The following LIPA variants were observed in gnomAD, a reference collection of about 807,000 sequenced individuals.
The protein encoded by LIPA is lipase A, lysosomal acid type.
A neutral mutation model predicts 40.6 loss-of-function variants in LIPA; 26 were observed. That is an observed-to-expected ratio of 0.64 (90% CI 0.47 to 0.89). The LOEUF (loss-of-function observed/expected upper bound fraction) is 0.89. LIPA is among the 40% of genes least tolerant of loss of function. The probability of loss-of-function intolerance (pLI) is 0.00; values close to 1 mark genes in which losing one functional copy is unlikely to be tolerated. For missense variants in LIPA, 455 were observed against 479.6 expected, an observed-to-expected ratio of 0.95 and a Z score of 0.48; for synonymous variants, 188 against 168.4, an observed-to-expected ratio of 1.12 and a Z score of -0.90.
At chr10:89,328,271 T>C (rs551106251) in intron 1 of LIPA, among the ~76,000 whole-genome samples, 66 of 152,300 alleles carry the variant, frequency 4.3e-4, no homozygotes, top group Non-Finnish European at 7.4e-4. Context: ...ACAGGCTTCT[T>C]AAGTTTCTGG....
intron 1 of LIPA, among the ~76,000 whole-genome samples, chr10:89,300,745 G>C (rs751152272): frequency 3.9e-5 from 6 of 152,188 alleles, no homozygotes; most frequent in Non-Finnish European, 8.8e-5. Context: ...CCAGAACTTT[G>C]GCAGGCCAAG....
In LIPA at chr10:89,339,073, T is replaced by C. The variant is rs377495823; in HGVS notation, c.-2+3538A>G. On this transcript the variant is annotated intron_variant, in intron 1 of 5. Transcript: ENST00000282673. ...CAGTATTGAGTATTCTGAACTTGAC[T>C]GTGAGGAAGGGTGGACACAACTGAA... 19 of 1,613,926 alleles carry C rather than the reference T, an allele frequency of 1.2e-5. No individual in the cohort carries two copies. In the African/African-American group the frequency reaches 2.3e-4, roughly 19 times the overall value.
At chr10:89,236,250 T>C (rs1564759954) in intron 3 of LIPA, among the ~76,000 whole-genome samples, 1 of 152,198 alleles carries the variant, frequency 6.6e-6, no homozygotes, top group Non-Finnish European at 1.5e-5. Flanking sequence ...AATGTAAAGA[T>C]GTGGTATTAA....
upstream of LIPA, among the ~76,000 whole-genome samples, chr10:89,344,029 T>C (rs10788641): frequency 0.28 from 43,130 of 152,026 alleles, 6,764 homozygotes; most frequent in East Asian, 0.61. Context: ...CTCTACAGTG[T>C]TGGGAAAAAT....
intron 4 of LIPA, among the ~76,000 whole-genome samples, chr10:89,227,894 T>A (rs547466608): frequency 6.6e-6 from 1 of 152,296 alleles, no homozygotes; most frequent in South Asian, 2.1e-4. Context: ...CTGGATTACA[T>A]ATTTATGGAG....
rs540047065 is a variant in LIPA at position 89,287,998 on chromosome 10, C to T, written c.-1-40349G>A. Among the ~76,000 whole-genome samples the T allele has an allele frequency of 3.9e-5, 6 of 152,330 alleles. No individual in the cohort carries two copies. The South Asian group carries it at 1.2e-3, about 32-fold the overall frequency. On this transcript the variant is annotated intron_variant, in intron 1 of 5. Transcript: ENST00000282673. ...ATTCCTTTGCACCCTTCATCCCAGC[C>T]TCTTTTCACTTTCACTTGGACTGAC...
chr10:89,321,405 C>T (rs899966241), intron 1 of LIPA, among the ~76,000 whole-genome samples: 2 of 152,146 alleles, frequency 1.3e-5, no homozygotes, highest in Non-Finnish European at 2.9e-5. Context: ...AAAAAGTGGG[C>T]AAAGGCTATG....
intron 2 of LIPA, among the ~76,000 whole-genome samples, chr10:89,366,827 A>G: frequency 6.6e-6 from 1 of 152,250 alleles, no homozygotes; most frequent in Non-Finnish European, 1.5e-5. Context: ...ATTACTGGGT[A>G]TATACCCAAA....
At chr10:89,362,755 C>A (rs1484754220) in intron 2 of LIPA, 2 of 720,534 alleles carry the variant, frequency 2.8e-6, no homozygotes, top group Admixed American at 2.6e-5. Flanking sequence ...TGGGCCTTGG[C>A]GAAGTGTGGA....
At chr10:89,227,410 G>A (rs1284606572) in intron 4 of LIPA, among the ~76,000 whole-genome samples, 1 of 152,092 alleles carries the variant, frequency 6.6e-6, no homozygotes, top group Non-Finnish European at 1.5e-5. Flanking sequence ...CCTGTTTTCC[G>A]TTGTTACAAA....
At position 89,223,757 on chromosome 10, in the gene LIPA, T is replaced by C. The variant is rs747792993; in HGVS notation, c.749A>G (p.His250Arg). 4.3e-6 allele frequency: 7 copies of C among 1,613,698 alleles called. No individual in the cohort carries two copies. In the Admixed American group the frequency reaches 1.2e-4, roughly 27 times the overall value. ...TCCACAGAGCTCCTTCAGTATGACA[T>C]GAGTGCAAACGTGGGTACCCAGCCA... The part of the protein sequence containing the change: ...LKWLGTHVCT[H>R]VILKELCGNL... Residue 250 changes from histidine to arginine, a missense_variant, in exon 7 of 10, where the codon CAT becomes CGT. By Grantham distance (29) the His-to-Arg change is conservative (BLOSUM62 0). Transcript: ENST00000336233.
At chr10:89,221,206 T>C (rs1056119163) in intron 8 of LIPA, among the ~76,000 whole-genome samples, 3 of 150,770 alleles carry the variant, frequency 2.0e-5, no homozygotes, top group African/African-American at 7.3e-5. Flanking sequence ...ATGTCACTTA[T>C]ACCTCAATAA....
intron 3 of LIPA, among the ~76,000 whole-genome samples, chr10:89,238,921 A>T (rs1230704893): frequency 6.6e-6 from 1 of 152,132 alleles, no homozygotes; most frequent in Non-Finnish European, 1.5e-5. Flanking sequence ...AGCACCCCTA[A>T]CCCCCATGTT....
At chr10:89,320,162 C>T (rs530073333) in intron 1 of LIPA, among the ~76,000 whole-genome samples, 8 of 152,256 alleles carry the variant, frequency 5.3e-5, no homozygotes, top group African/African-American at 1.9e-4. Context: ...TGGCACAAGA[C>T]AGGGATGCCC....
chr10:89,237,659 T>C (rs368964761), intron 3 of LIPA, among the ~76,000 whole-genome samples: 79 of 152,312 alleles, frequency 5.2e-4, no homozygotes, highest in African/African-American at 1.7e-3. Flanking sequence ...TGTCAGTCTT[T>C]TGGCTGTACA....
Position 89,295,015 on chromosome 10 carries a change from T to G in LIPA, c.-1-47366A>C, listed in dbSNP as rs376895198. 3.3e-3 allele frequency among the ~76,000 whole-genome samples: 199 copies of G among 60,280 alleles called. 3 individuals are homozygous for G. The highest frequency in any genetic ancestry group is 0.03 in the South Asian group (66 of 2,210). The allele number at this position is 60,280 out of a possible 152,430, so 39.5% of individuals were successfully genotyped here. On this transcript the variant is annotated intron_variant, in intron 1 of 5. Transcript: ENST00000282673. ...AAAAAAAGGAAGAAAGGAAAGGAAA[T>G]GAAATGAAAGGAAAGGAAAGGAAAG...
intron 8 of LIPA, among the ~76,000 whole-genome samples, chr10:89,218,886 T>A (rs1285666537): frequency 1.3e-5 from 2 of 152,248 alleles, no homozygotes; most frequent in Non-Finnish European, 1.5e-5. Context: ...GCTTAACTTG[T>A]ATCTAACAAA....
intron 2 of LIPA, among the ~76,000 whole-genome samples, chr10:89,351,125 G>A (rs1351673760): frequency 6.6e-6 from 1 of 152,152 alleles, no homozygotes; most frequent in Non-Finnish European, 1.5e-5. Flanking sequence ...AGATCAGCCT[G>A]GGCAGCATGA....
intron 1 of LIPA, among the ~76,000 whole-genome samples, chr10:89,317,613 G>A (rs148985719): frequency 0.042 from 6,355 of 152,210 alleles, 435 homozygotes; most frequent in African/African-American, 0.14. Flanking sequence ...AAAGTGACAC[G>A]GAGAATGGAA....
Sources: gnomAD v4.1 joint callset for allele counts (sites outside exome capture counted in the v4.1 genomes callset) on GRCh38, gnomAD v4.1.1 for gene constraint, MANE v1.5 for transcripts, NCBI Gene and HGNC (gene_info 2026-07-23, HGNC 2026-07-21) for gene names.